SPATA31E1: variants seen among roughly 807,000 people sequenced by gnomAD.
The protein encoded by SPATA31E1 is spermatogenesis-associated protein 31E1.
A neutral mutation model predicts 12.9 loss-of-function variants in SPATA31E1; 7 were observed. The ratio of observed to expected loss-of-function variants is 0.54; its 90% CI spans 0.31 to 1.02. The LOEUF (loss-of-function observed/expected upper bound fraction) is 1.02. SPATA31E1 is among the 50% of genes least tolerant of loss of function. SPATA31E1 has a pLI of 0.05. For missense variants in SPATA31E1, 1,961 were observed against 1,799.8 expected (o/e 1.09, Z -1.62); for synonymous variants, 771 against 719.0 (o/e 1.07, Z -1.16).
At position 87,886,253 on chromosome 9, in the gene SPATA31E1, A is replaced by G. The variant is rs1368307991; in HGVS notation, c.1766A>G (p.Gln589Arg). ...TTGCCCTCTCTCCTCAAAAAGTCTC[A>G]GGCTGTTCTGAGCCAGCCCACTGCC... is the stretch of plus-strand genomic sequence containing the variant. ...RVLPSLLKKS[Q>R]AVLSQPTAHL... Residue 589 changes from glutamine (Q) to arginine (R), a missense_variant, in exon 4 of 4, where the codon CAG becomes CGG. Physicochemically the swap from Gln to Arg is conservative, Grantham distance 43. Transcript: ENST00000325643. 1.9e-6 allele frequency: 3 copies of G among 1,613,812 alleles called. No individual in the cohort carries two copies. The highest frequency in any genetic ancestry group is 2.5e-6 in the Non-Finnish European group (3 of 1,180,022).
Position 87,884,027 on chromosome 9 carries a change from G to A in SPATA31E1, c.345G>A (p.Arg115=), listed in dbSNP as rs1465817284. The change falls in exon 2 of 4, where the codon AGG becomes AGA. Residue 115 remains arginine, a synonymous_variant. Coordinates refer to ENST00000325643, the MANE Select transcript of SPATA31E1 (RefSeq NM_178828.5). The part of the protein sequence containing the change: ...QRERSGRSRS[R]KISALKACRI... ...AGAGAAGCGGGAGGTCCAGGAGCAG[G>A]AAGATCTCAGCTCTGAAAGGTGAGG... 3 of 1,606,210 alleles carry A rather than the reference G, an allele frequency of 1.9e-6. No individual in the cohort carries two copies. The highest frequency in any genetic ancestry group is 2.6e-6 in the Non-Finnish European group (3 of 1,175,766).
Position 87,885,440 on chromosome 9 carries a change from T to G in SPATA31E1, c.953T>G (p.Leu318Arg). 6.2e-7 allele frequency: 1 copy of G among 1,613,926 alleles called. No homozygotes were observed. The highest frequency in any genetic ancestry group is 1.1e-5 in the South Asian group (1 of 91,056). ...CWREAATTWG[L>R]STYSHGKSQP... ...AGGGAGGCTGCCACCACCTGGGGCC[T>G]CTCCACCTACTCACATGGCAAATCC... The change falls in exon 4 of 4, where the codon CTC becomes CGC. Residue 318 changes from leucine to arginine, a missense_variant. Physicochemically the swap from Leu to Arg is moderately radical, Grantham distance 102. Transcript: ENST00000325643.
Position 87,885,275 on chromosome 9 carries a change from T to C in SPATA31E1, c.788T>C (p.Leu263Pro). 6.2e-7 allele frequency: 1 copy of C among 1,614,050 alleles called. No homozygotes were observed. Among genetic ancestry groups the C allele is most frequent in the Non-Finnish European group, 8.5e-7 (1 of 1,179,968 alleles). ...ASSPPPPDSS[L>P]AGLQCGSTTC... Reference sequence around the variant, plus strand: ...TCTCCACCTCCACCCGACTCCAGCCTGGCTGGACTTCAGTGTGGCTCCACA... The same window carrying C: ...TCTCCACCTCCACCCGACTCCAGCCCGGCTGGACTTCAGTGTGGCTCCACA... The change falls in exon 4 of 4, where the codon CTG becomes CCG. Residue 263 changes from leucine to proline, a missense_variant. Leu to Pro is a moderately conservative substitution (Grantham distance 98). Transcript: ENST00000325643.
In SPATA31E1 at chr9:87,885,520, A is replaced by G; in HGVS notation, c.1033A>G (p.Thr345Ala). 6.2e-7 allele frequency: 1 copy of G among 1,614,118 alleles called. No individual in the cohort carries two copies. The highest frequency in any genetic ancestry group is 8.5e-7 in the Non-Finnish European group (1 of 1,180,000). Reference sequence around the variant, plus strand: ...AGAGGCTTCCTTCTGGGGAGACCCCACACCCAAGCACATGGAGGTAGGTGG... The same window carrying G: ...AGAGGCTTCCTTCTGGGGAGACCCCGCACCCAAGCACATGGAGGTAGGTGG... ...TSEASFWGDP[T>A]PKHMEVGGCT... Residue 345 changes from threonine (T) to alanine (A), a missense_variant, in exon 4 of 4, where the codon ACA (threonine) becomes GCA (alanine). By Grantham distance (58) the Thr-to-Ala change is moderately conservative. Transcript: ENST00000325643.
chr9:87,885,707 G>A lies in SPATA31E1; in HGVS notation c.1220G>A (p.Trp407Ter). The A allele has an allele frequency of 6.2e-7, 1 of 1,613,714 alleles. No individual in the cohort carries two copies. The highest frequency in any genetic ancestry group is 8.5e-7 in the Non-Finnish European group (1 of 1,180,016). The change falls in exon 4 of 4, where the codon TGG becomes TAG. Residue 407 changes from tryptophan (W) to a stop codon, truncating the protein, a stop_gained. Coordinates refer to ENST00000325643, the MANE Select transcript of SPATA31E1 (RefSeq NM_178828.5). LOFTEE classifies it low-confidence loss of function (END_TRUNC). ...GACATCACGACCCTAAATCCCTTCTGGAACGTGTCAACCCAGCCACAGCAG... is the reference window on the plus strand; with the variant it reads ...GACATCACGACCCTAAATCCCTTCTAGAACGTGTCAACCCAGCCACAGCAG... ...EWDITTLNPF[W>*]NVSTQPQQLP...
At chr9:87,883,351 G>A (rs1828203509) in intron 1 of SPATA31E1, 151 bp downstream of exon 1, 8 of 1,277,728 alleles carry the variant, frequency 6.3e-6, no homozygotes, top group East Asian at 4.8e-5. Context: ...GGGTGAGAGT[G>A]GGCAGAGGAT....
chr9:87,886,050 C>G lies in SPATA31E1; in HGVS notation c.1563C>G (p.Ile521Met). ...CCCAGCCCCCACCTTTGGCTGAGAT[C>G]CAGACCCAGGCCCACCTCTCACCCC... ...PQSQPPPLAEIQTQAHLSPPV... is the reference protein window; with the variant it reads ...PQSQPPPLAEMQTQAHLSPPV... Residue 521 changes from isoleucine to methionine, a missense_variant, in exon 4 of 4, where the codon ATC becomes ATG. Transcript: ENST00000325643. The G allele has an allele frequency of 6.2e-7, 1 of 1,612,812 alleles. No individual in the cohort carries two copies. The highest frequency in any genetic ancestry group is 8.5e-7 in the Non-Finnish European group (1 of 1,179,338).
chr9:87,888,301 C>T lies in SPATA31E1; in HGVS notation c.3814C>T (p.Gln1272Ter), dbSNP rs550148641. The change falls in exon 4 of 4, where the codon CAG (glutamine) becomes TAG (stop). Residue 1272 changes from glutamine (Q) to a stop codon, truncating the protein, a stop_gained. Coordinates refer to ENST00000325643, the MANE Select transcript of SPATA31E1 (RefSeq NM_178828.5). LOFTEE classifies it low-confidence loss of function (END_TRUNC). ...HFQRKISHHP[Q>*]GLHPRKGGTR... ...CCAGAGAAAGATCAGTCACCATCCA[C>T]AGGGTCTACACCCCAGGAAAGGAGG... 1.2e-6 allele frequency: 2 copies of T among 1,614,194 alleles called. No individual in the cohort carries two copies. Among genetic ancestry groups the T allele is most frequent in the South Asian group, 2.2e-5 (2 of 91,082 alleles).
chr9:87,888,854 G>C lies in SPATA31E1; in HGVS notation c.*29G>C. 6 of 1,531,456 alleles carry C rather than the reference G, an allele frequency of 3.9e-6. No homozygotes were observed. Among genetic ancestry groups the C allele is most frequent in the Non-Finnish European group, 5.3e-6 (6 of 1,139,724 alleles). The allele number at this position is 1,531,456 out of a possible 1,614,324, so 94.9% of individuals were successfully genotyped here. On this transcript the variant is annotated 3_prime_UTR_variant, in exon 4 of 4. Coordinates refer to ENST00000325643, the MANE Select transcript of SPATA31E1 (RefSeq NM_178828.5). ...AGACCAGTCTTCTTGCATGTCTCCT[G>C]GGGGAGACAGGGGGTTCTACTCAAA...
At chr9:87,883,230 G>A in intron 1 of SPATA31E1, 30 bp downstream of exon 1, 1 of 1,544,150 alleles carries the variant, frequency 6.5e-7, no homozygotes, top group South Asian at 1.2e-5. Flanking sequence ...GCCCCACAGA[G>A]AAAGATTCTC....
At position 87,885,372 on chromosome 9, in the gene SPATA31E1, C is replaced by G; in HGVS notation, c.885C>G (p.Gly295=). The change falls in exon 4 of 4, where the codon GGC becomes GGG. Residue 295 remains glycine (G), a synonymous_variant. Coordinates refer to ENST00000325643, the MANE Select transcript of SPATA31E1 (RefSeq NM_178828.5). ...CTCCTCCAACCAGGGTGATCTCTGG[C>G]CTGGGGTGCTCCAGCGATCCCATCT... ...VLPPPTRVIS[G]LGCSSDPIWD... 6.2e-7 allele frequency: 1 copy of G among 1,613,150 alleles called. No individual in the cohort carries two copies. Among genetic ancestry groups the G allele is most frequent in the Non-Finnish European group, 8.5e-7 (1 of 1,179,142 alleles).
chr9:87,886,684 G>A lies in SPATA31E1; in HGVS notation c.2197G>A (p.Asp733Asn). Residue 733 changes from aspartate (D) to asparagine (N), a missense_variant, in exon 4 of 4, where the codon GAC (aspartate) becomes AAC (asparagine). Asp to Asn is a conservative substitution (Grantham distance 23). Coordinates refer to ENST00000325643, the MANE Select transcript of SPATA31E1 (RefSeq NM_178828.5). ...GACCTCAGTGAAGGCTCTGGACGAAGACAAGGAGGCAGAAGGTGACTTACG... is the reference window on the plus strand; with the variant it reads ...GACCTCAGTGAAGGCTCTGGACGAAAACAAGGAGGCAGAAGGTGACTTACG... ...GRTSVKALDE[D>N]KEAEGDLRRS... 6.2e-7 allele frequency: 1 copy of A among 1,613,944 alleles called. No homozygotes were observed. Among genetic ancestry groups the A allele is most frequent in the Non-Finnish European group, 8.5e-7 (1 of 1,180,022 alleles).
rs765064877 is a variant in SPATA31E1, at chr9:87,887,990, G to A, written c.3503G>A (p.Cys1168Tyr). 1 of 1,613,698 alleles carries A rather than the reference G, an allele frequency of 6.2e-7. No individual in the cohort carries two copies. Among genetic ancestry groups the A allele is most frequent in the Non-Finnish European group, 8.5e-7 (1 of 1,180,004 alleles). ...GKNMTASQGP[C>Y]ALLWKGGDSP... ...AACATGACAGCTTCCCAGGGGCCAT[G>A]TGCCCTCCTATGGAAGGGAGGGGAC... Residue 1168 changes from cysteine to tyrosine, a missense_variant, in exon 4 of 4, where the codon TGT (cysteine) becomes TAT (tyrosine). Coordinates refer to ENST00000325643, the MANE Select transcript of SPATA31E1 (RefSeq NM_178828.5).
Position 87,884,031 on chromosome 9 carries a change from ATCTCAGCTCTGAAAGGTGAGGC to A in SPATA31E1, c.353_364+10del. 1 of 1,605,582 alleles carries A rather than the reference ATCTCAGCTCTGAAAGGTGAGGC, an allele frequency of 6.2e-7. No individual in the cohort carries two copies. The highest frequency in any genetic ancestry group is 8.5e-7 in the Non-Finnish European group (1 of 1,175,428). On this transcript the variant is annotated splice_donor_variant and splice_donor_5th_base_variant and coding_sequence_variant and intron_variant, in exon 2 of 4. Coordinates refer to ENST00000325643, the MANE Select transcript of SPATA31E1 (RefSeq NM_178828.5). LOFTEE classifies it high-confidence loss of function. ...AAGCGGGAGGTCCAGGAGCAGGAAG[ATCTCAGCTCTGAAAGGTGAGGC>A]TCTGCTGCCCCCCGGGACTCCCCAG...
In SPATA31E1 at chr9:87,887,262, T is replaced by A. The variant is rs1776087947; in HGVS notation, c.2775T>A (p.Pro925=). ...TVSGPLAAPP[P]EQEGVQRPPR... ...GTGGCCCTCTCGCTGCCCCACCGCCTGAGCAGGAGGGAGTCCAGAGGCCCC... is the reference window on the plus strand; with the variant it reads ...GTGGCCCTCTCGCTGCCCCACCGCCAGAGCAGGAGGGAGTCCAGAGGCCCC... Residue 925 remains proline (P), a synonymous_variant, in exon 4 of 4, where the codon CCT becomes CCA. Transcript: ENST00000325643. 1.9e-6 allele frequency: 3 copies of A among 1,613,716 alleles called. No individual in the cohort carries two copies. The highest frequency in any genetic ancestry group is 2.5e-6 in the Non-Finnish European group (3 of 1,179,984).
chr9:87,883,551 G>C (rs1218510701), intron 1 of SPATA31E1, among the ~76,000 whole-genome samples: 1 of 152,184 alleles, frequency 6.6e-6, no homozygotes, highest in Non-Finnish European at 1.5e-5. Flanking sequence ...ATCTGGGTGT[G>C]ATCTGGGAGC....
At position 87,888,383 on chromosome 9, in the gene SPATA31E1, G is replaced by A. The variant is rs1179324665; in HGVS notation, c.3896G>A (p.Ser1299Asn). Residue 1299 changes from serine to asparagine, a missense_variant, in exon 4 of 4, where the codon AGC (serine) becomes AAC (asparagine). Physicochemically the swap from Ser to Asn is conservative, Grantham distance 46. Coordinates refer to ENST00000325643, the MANE Select transcript of SPATA31E1 (RefSeq NM_178828.5). ...KGKPGADAFQ[S>N]WGSGPPRQFM... is the part of the protein sequence containing the mutation. ...AAGCCTGGGGCAGATGCTTTCCAGA[G>A]CTGGGGGTCTGGCCCACCAAGGCAG... is the stretch of plus-strand genomic sequence containing the variant. 2 of 1,614,176 alleles carry A rather than the reference G, an allele frequency of 1.2e-6. No homozygotes were observed. The highest frequency in any genetic ancestry group is 2.7e-5 in the African/African-American group (2 of 75,046).
At position 87,885,525 on chromosome 9, in the gene SPATA31E1, C is replaced by T. The variant is rs1020494299; in HGVS notation, c.1038C>T (p.Pro346=). 5 of 1,614,068 alleles carry T rather than the reference C, an allele frequency of 3.1e-6. No homozygotes were observed. The East Asian group carries it at 1.1e-4, about 36-fold the overall frequency. Residue 346 remains proline, a synonymous_variant, in exon 4 of 4, where the codon CCC becomes CCT. Coordinates refer to ENST00000325643, the MANE Select transcript of SPATA31E1 (RefSeq NM_178828.5). ...SEASFWGDPT[P]KHMEVGGCTF... Reference sequence around the variant, plus strand: ...CTTCCTTCTGGGGAGACCCCACACCCAAGCACATGGAGGTAGGTGGCTGCA... The same window carrying T: ...CTTCCTTCTGGGGAGACCCCACACCTAAGCACATGGAGGTAGGTGGCTGCA...
At position 87,885,360 on chromosome 9, in the gene SPATA31E1, G is replaced by GAT; in HGVS notation, c.873_874insAT (p.Val292MetfsTer2). ...ACCAGGTGCTGCCTCCTCCAACCAGGGTGATCTCTGGCCTGGGGTGCTCCA... is the reference window on the plus strand; with the variant it reads ...ACCAGGTGCTGCCTCCTCCAACCAGGATGTGATCTCTGGCCTGGGGTGCTCCA... On this transcript the variant is annotated frameshift_variant, in exon 4 of 4. Coordinates refer to ENST00000325643, the MANE Select transcript of SPATA31E1 (RefSeq NM_178828.5). LOFTEE classifies it low-confidence loss of function (END_TRUNC). 1 of 1,613,894 alleles carries GAT rather than the reference G, an allele frequency of 6.2e-7. No individual in the cohort carries two copies. The highest frequency in any genetic ancestry group is 8.5e-7 in the Non-Finnish European group (1 of 1,179,894).
Sources: gnomAD v4.1 joint callset for allele counts (sites outside exome capture counted in the v4.1 genomes callset) on GRCh38, gnomAD v4.1.1 for gene constraint, MANE v1.5 for transcripts, NCBI Gene and HGNC (gene_info 2026-07-23, HGNC 2026-07-21) for gene names.